GLG1: variants seen among roughly 807,000 people sequenced by gnomAD.
GLG1 encodes golgi glycoprotein 1, also known as Golgi apparatus protein 1.
A neutral mutation model predicts 160.5 loss-of-function variants in GLG1; 38 were observed. The observed-to-expected ratio is 0.24, with a 90% CI of 0.18 to 0.31. The LOEUF is 0.31. Ranked by LOEUF, GLG1 falls within the 10% of genes least tolerant of loss-of-function variation. The probability of loss-of-function intolerance (pLI) is 1.00; values close to 1 mark genes in which losing one functional copy is unlikely to be tolerated. For missense variants in GLG1, 1,373 were observed against 1,505.2 expected, an observed-to-expected ratio of 0.91 and a Z score of 1.45; for synonymous variants, 644 against 543.4, an observed-to-expected ratio of 1.19 and a Z score of -2.57.
intron 11 of GLG1, among the ~76,000 whole-genome samples, chr16:74,478,914 GGGTTATTTT>G (rs2015492315): frequency 7.2e-6 from 1 of 139,766 alleles, no homozygotes; most frequent in Non-Finnish European, 1.5e-5. Context: ...AAAAAGGGGG[GGGTTATTTT>G]GGCCAGGCGC....
chr16:74,501,728 G>A (rs543800447), intron 4 of GLG1, among the ~76,000 whole-genome samples: 37 of 152,334 alleles, frequency 2.4e-4, no homozygotes, highest in Non-Finnish European at 8.8e-5. Flanking sequence ...ACTTTAAAAG[G>A]AGCCAGGTTT....
At chr16:74,513,613 C>T (rs1006813868) in intron 2 of GLG1, among the ~76,000 whole-genome samples, 4 of 152,048 alleles carry the variant, frequency 2.6e-5, no homozygotes, top group Non-Finnish European at 5.9e-5. Flanking sequence ...TCAACATCAA[C>T]AAAAAGGACA....
chr16:74,585,877 T>C (rs1958037709), intron 1 of GLG1, among the ~76,000 whole-genome samples: 1 of 151,792 alleles, frequency 6.6e-6, no homozygotes, highest in African/African-American at 2.4e-5. Context: ...AGCCTGGCCA[T>C]TATGATAAAA....
chr16:74,541,690 T>A (rs1473678473), intron 1 of GLG1, among the ~76,000 whole-genome samples: 1 of 152,198 alleles, frequency 6.6e-6, no homozygotes, highest in Non-Finnish European at 1.5e-5. Flanking sequence ...AATCTAACCA[T>A]TTTAAACAAC....
chr16:74,559,062 T>A (rs550899782), intron 1 of GLG1, among the ~76,000 whole-genome samples: 58 of 152,086 alleles, frequency 3.8e-4, no homozygotes, highest in Non-Finnish European at 6.2e-4. Flanking sequence ...TTTTTTAGAT[T>A]TTTTTGCTAT....
rs182715785 is a variant in GLG1, at chr16:74,448,799, G to C, written c.*4368C>G. 6.7e-6 allele frequency: 1 copy of C among 148,386 alleles called. No homozygotes were observed. Among genetic ancestry groups the C allele is most frequent in the Admixed American group, 6.8e-5 (1 of 14,692 alleles). 9.2% of individuals were successfully genotyped at this position (148,386 alleles called of 1,614,324 possible). A position where few individuals can be genotyped will look rare whatever the true frequency, so the allele number is the denominator to read the frequency against. On this transcript the variant is annotated 3_prime_UTR_variant, in exon 26 of 26. Coordinates refer to ENST00000422840, the MANE Select transcript of GLG1 (RefSeq NM_001145667.2). ...AGGCCGGGCGTGGTGGCTCACGCCTGTAATGCACTTTGGAAGGCCGAAGTG... is the reference window on the plus strand; with the variant it reads ...AGGCCGGGCGTGGTGGCTCACGCCTCTAATGCACTTTGGAAGGCCGAAGTG...
intron 1 of GLG1, among the ~76,000 whole-genome samples, chr16:74,537,127 G>A (rs1294361993): frequency 6.6e-6 from 1 of 152,146 alleles, no homozygotes; most frequent in African/African-American, 2.4e-5. Context: ...TCCTGACATT[G>A]CATATATTAG....
chr16:74,605,915 G>C (rs1053323271), intron 1 of GLG1, among the ~76,000 whole-genome samples: 1 of 152,106 alleles, frequency 6.6e-6, no homozygotes, highest in African/African-American at 2.4e-5. Flanking sequence ...AATTATCAAT[G>C]TCACTTGATT....
rs758456584 is a variant in GLG1 at position 74,479,599 on chromosome 16, T to C, written c.1827+642A>G. 4.6e-5 allele frequency among the ~76,000 whole-genome samples: 7 copies of C among 152,146 alleles called. 1 individual carries two copies. The highest frequency in any genetic ancestry group is 1.0e-4 in the Non-Finnish European group (7 of 68,028). Reference sequence around the variant, plus strand: ...TTTTGCATTAAGCTCAGAAGGGGTATTTCTAAGGATGGATGAGAAGTGATA... The same window carrying C: ...TTTTGCATTAAGCTCAGAAGGGGTACTTCTAAGGATGGATGAGAAGTGATA... On this transcript the variant is annotated intron_variant, in intron 11 of 25. Transcript: ENST00000422840.
At chr16:74,469,351 G>A in intron 16 of GLG1, 1 of 437,792 alleles carries the variant, frequency 2.3e-6, no homozygotes, top group Non-Finnish European at 4.2e-6. Context: ...TTAAAAACAT[G>A]TGACCACAGA....
intron 1 of GLG1, among the ~76,000 whole-genome samples, chr16:74,554,578 A>G (rs370843657): frequency 6.6e-6 from 1 of 152,204 alleles, no homozygotes; most frequent in Admixed American, 6.5e-5. Flanking sequence ...ACTTTTCTCA[A>G]TATATTCTGG....
chr16:74,459,633 A>G (rs1366153194), intron 23 of GLG1, 49 bp downstream of exon 23: 5 of 337,916 alleles, frequency 1.5e-5, no homozygotes, highest in Admixed American at 5.1e-5. Context: ...GGAAGAAGAG[A>G]AAAAAAAAAA....
At chr16:74,472,839 G>T in intron 13 of GLG1, 1 of 325,746 alleles carries the variant, frequency 3.1e-6, no homozygotes, top group Non-Finnish European at 6.0e-6. Flanking sequence ...ACTGTTACTG[G>T]GGAACACATA....
Position 74,453,043 on chromosome 16 carries a change from T to C in GLG1, c.*124A>G, listed in dbSNP as rs2041632657. 1 of 1,491,824 alleles carries C rather than the reference T, an allele frequency of 6.7e-7. No homozygotes were observed. Among genetic ancestry groups the C allele is most frequent in the Admixed American group, 2.3e-5 (1 of 43,764 alleles). The allele number at this position is 1,491,824 out of a possible 1,614,324, so 92.4% of individuals were successfully genotyped here. A position where few individuals can be genotyped will look rare whatever the true frequency, so the allele number is the denominator to read the frequency against. ...TGGATGGGACAACGCAGTGGACATCTGCTAATGCTCTAACACGGGGTTGGT... is the reference window on the plus strand; with the variant it reads ...TGGATGGGACAACGCAGTGGACATCCGCTAATGCTCTAACACGGGGTTGGT... On this transcript the variant is annotated 3_prime_UTR_variant, in exon 26 of 26. Coordinates refer to ENST00000422840, the MANE Select transcript of GLG1 (RefSeq NM_001145667.2).
chr16:74,538,936 G>A (rs1009804270), intron 1 of GLG1, among the ~76,000 whole-genome samples: 1 of 151,688 alleles, frequency 6.6e-6, no homozygotes, highest in African/African-American at 2.4e-5. Flanking sequence ...GGGTACATTT[G>A]AATTAAGTCT....
chr16:74,588,114 G>A (rs1426563725), intron 1 of GLG1, among the ~76,000 whole-genome samples: 1 of 151,648 alleles, frequency 6.6e-6, no homozygotes, highest in East Asian at 1.9e-4. Context: ...CGTTGGTGGG[G>A]GGATTAAAAA....
At chr16:74,521,435 A>AATAGC (rs2017160303) in intron 2 of GLG1, among the ~76,000 whole-genome samples, 1 of 152,164 alleles carries the variant, frequency 6.6e-6, no homozygotes, top group Non-Finnish European at 1.5e-5. Context: ...GTATCAGGGC[A>AATAGC]ATAGCAGTGA....
intron 9 of GLG1, among the ~76,000 whole-genome samples, chr16:74,485,502 A>G (rs2015757551): frequency 6.6e-6 from 1 of 152,190 alleles, no homozygotes. Flanking sequence ...TTTCATTTTA[A>G]TTTGATCGTG....
At position 74,452,454 on chromosome 16, in the gene GLG1, G is replaced by C. The variant is rs1338830918; in HGVS notation, c.*713C>G. ...CCTTGTCTAGGAAGGCTCATGCTTT[G>C]CTTCAATGAAGCGAGGAGACCACAG... is the stretch of plus-strand genomic sequence containing the variant. On this transcript the variant is annotated 3_prime_UTR_variant, in exon 26 of 26. Coordinates refer to ENST00000422840, the MANE Select transcript of GLG1 (RefSeq NM_001145667.2). The C allele has an allele frequency of 1.8e-6, 2 of 1,099,464 alleles. No homozygotes were observed. Among genetic ancestry groups the C allele is most frequent in the Non-Finnish European group, 2.2e-6 (2 of 896,520 alleles). The allele number at this position is 1,099,464 out of a possible 1,614,324, so 68.1% of individuals were successfully genotyped here.
Sources: allele counts gnomAD v4.1 joint callset (sites outside exome capture counted in the v4.1 genomes callset), GRCh38; gene constraint gnomAD v4.1.1; transcripts MANE v1.5; gene names NCBI Gene and HGNC (gene_info 2026-07-23, HGNC 2026-07-21).